Variants in CCDC180 observed in about 807,000 individuals in gnomAD.
CCDC180 encodes the protein coiled-coil domain containing 180.
CCDC180 carries 154 observed loss-of-function variants against 209.2 expected under a neutral mutation model. The ratio of observed to expected loss-of-function variants is 0.74; its 90% CI spans 0.65 to 0.84. The LOEUF is 0.84. Among genes scored for constraint, CCDC180 ranks in the 40% least tolerant of loss-of-function variants. The pLI, the probability that CCDC180 is intolerant of heterozygous loss-of-function variation, is 0.00. For missense variants in CCDC180, 1,874 were observed against 1,997.3 expected (o/e 0.94, Z 1.18); for synonymous variants, 778 against 749.1 (o/e 1.04, Z -0.63).
At chr9:97,318,412 C>T (rs1833249149) in intron 9 of CCDC180, 51 bp from the exon 10 acceptor site, 1 of 1,603,508 alleles carries the variant, frequency 6.2e-7, no homozygotes, top group Non-Finnish European at 8.5e-7. Context: ...TCTCTCACTC[C>T]TGCCCTGCTC....
intron 14 of CCDC180, 95 bp downstream of exon 14, chr9:97,325,287 A>C (rs1833496077): frequency 1.5e-6 from 2 of 1,310,520 alleles, no homozygotes; most frequent in South Asian, 1.5e-5. Flanking sequence ...AAGCTATGAA[A>C]TTTGTGCAGA....
intron 28 of CCDC180, 40 bp downstream of exon 28, chr9:97,362,481 A>G: frequency 1.9e-6 from 3 of 1,595,008 alleles, no homozygotes; most frequent in Non-Finnish European, 2.6e-6. Flanking sequence ...TTCCCAGTCC[A>G]TCCCCCCACA....
At chr9:97,318,227 C>T (rs571441146) in intron 9 of CCDC180, among the ~76,000 whole-genome samples, 10 of 152,300 alleles carry the variant, frequency 6.6e-5, no homozygotes, top group Admixed American at 5.2e-4. Context: ...ATTGACCTGA[C>T]GATCCCTCCA....
In CCDC180 at chr9:97,354,606, A is replaced by G; in HGVS notation, c.3040A>G (p.Ile1014Val). The change falls in exon 23 of 37, where the codon ATC becomes GTC. Residue 1014 changes from isoleucine (I) to valine (V), a missense_variant. Coordinates refer to ENST00000529487, the MANE Select transcript of CCDC180 (RefSeq NM_020893.6). ...GGGAGGCAACTTTTCTCCTAAAGAA[A>G]TCAATTCACTGTGTTCCCGACTGGA... ...SEGGNFSPKEINSLCSRLEKE... is the reference protein window; with the variant it reads ...SEGGNFSPKEVNSLCSRLEKE... The G allele has an allele frequency of 6.2e-7, 1 of 1,614,232 alleles. No homozygotes were observed. Among genetic ancestry groups the G allele is most frequent in the Non-Finnish European group, 8.5e-7 (1 of 1,180,040 alleles).
At chr9:97,354,793 C>T in intron 23 of CCDC180, 80 bp downstream of exon 23, 4 of 1,591,958 alleles carry the variant, frequency 2.5e-6, no homozygotes, top group Admixed American at 3.4e-5. Flanking sequence ...AGGGCCAAGC[C>T]CTCCATCCAA....
Position 97,362,317 on chromosome 9 carries a change from T to C in CCDC180, c.3778T>C (p.Ser1260Pro), listed in dbSNP as rs1168980421. Residue 1260 changes from serine (S) to proline (P), a missense_variant, in exon 28 of 37, where the codon TCA becomes CCA. By Grantham distance (74) the Ser-to-Pro change is moderately conservative (BLOSUM62 -1). Coordinates refer to ENST00000529487, the MANE Select transcript of CCDC180 (RefSeq NM_020893.6). ...SEAGAGGAVC[S>P]PPVLCSCPGP... is the part of the protein sequence containing the mutation. ...GGCAGGGGCTGGTGGTGCTGTGTGCTCACCTCCTGTCCTCTGCTCCTGTCC... is the reference window on the plus strand; with the variant it reads ...GGCAGGGGCTGGTGGTGCTGTGTGCCCACCTCCTGTCCTCTGCTCCTGTCC... The C allele has an allele frequency of 3.7e-6, 6 of 1,613,964 alleles. No homozygotes were observed. Among genetic ancestry groups the C allele is most frequent in the Non-Finnish European group, 5.1e-6 (6 of 1,180,022 alleles).
At chr9:97,307,603 G>T, upstream of CCDC180, 1 of 790,336 alleles carries the variant, frequency 1.3e-6, no homozygotes, top group Admixed American at 2.0e-5. Flanking sequence ...GGGTGGATTA[G>T]GGTCCCGGAT....
intron 34 of CCDC180, 183 bp downstream of exon 34, chr9:97,371,889 C>A (rs573445276): frequency 2.3e-6 from 1 of 440,688 alleles, no homozygotes; most frequent in East Asian, 3.1e-5. Flanking sequence ...GATGGCTCAA[C>A]GTTTATATAT....
chr9:97,325,142 C>T lies in CCDC180; in HGVS notation c.1495C>T (p.Leu499=). The T allele has an allele frequency of 6.2e-7, 1 of 1,611,802 alleles. No homozygotes were observed. Residue 499 remains leucine, a synonymous_variant, in exon 14 of 37, where the codon CTG becomes TTG. Coordinates refer to ENST00000529487, the MANE Select transcript of CCDC180 (RefSeq NM_020893.6). ...QSELLVQELE[L]EKRMEQHRQK... is the part of the protein sequence containing the mutation. Reference sequence around the variant, plus strand: ...CGAGCTGTTGGTGCAGGAGCTGGAGCTGGAGAAGAGGATGGAGCAGCACCG... The same window carrying T: ...CGAGCTGTTGGTGCAGGAGCTGGAGTTGGAGAAGAGGATGGAGCAGCACCG...
intron 36 of CCDC180, chr9:97,376,179 T>G (rs1827254716): frequency 6.4e-6 from 1 of 156,740 alleles, no homozygotes; most frequent in Non-Finnish European, 1.4e-5. Context: ...GACAGCCTGA[T>G]GAGGAGGCTA....
chr9:97,357,501 A>G (rs1343181703), intron 24 of CCDC180, 126 bp from the exon 25 acceptor site: 3 of 708,732 alleles, frequency 4.2e-6, no homozygotes, highest in South Asian at 1.8e-5. Flanking sequence ...GTAAAACTGC[A>G]TATTTTTCCC....
intron 9 of CCDC180, among the ~76,000 whole-genome samples, chr9:97,317,901 G>A (rs1457028295): frequency 2.0e-5 from 3 of 152,190 alleles, no homozygotes; most frequent in Non-Finnish European, 4.4e-5. Context: ...ATACTGCATG[G>A]AAAGTGCCTA....
At chr9:97,361,042 C>A (rs528926596) in intron 26 of CCDC180, among the ~76,000 whole-genome samples, 1 of 152,328 alleles carries the variant, frequency 6.6e-6, no homozygotes, top group African/African-American at 2.4e-5. Flanking sequence ...TAGCATGGGG[C>A]TCCAAGGGTC....
At chr9:97,344,104 C>A (rs1403635941) in intron 19 of CCDC180, among the ~76,000 whole-genome samples, 1 of 152,136 alleles carries the variant, frequency 6.6e-6, no homozygotes, top group East Asian at 1.9e-4. Context: ...AGAAATGACC[C>A]ATAATCCCAC....
Position 97,320,137 on chromosome 9 carries a change from C to A in CCDC180, c.1091C>A (p.Pro364His), listed in dbSNP as rs772904361. The change falls in exon 11 of 37, where the codon CCC becomes CAC. Residue 364 changes from proline (P) to histidine (H), a missense_variant. By Grantham distance (77) the Pro-to-His change is moderately conservative (BLOSUM62 -2). Transcript: ENST00000529487. ...KHLCTICDLL[P>H]PSYSKTQLTE... ...ATCTTCCTTCCCAGTGACCTCCTGC[C>A]CCCCAGTTACAGCAAAACTCAGCTG... 1.2e-6 allele frequency: 2 copies of A among 1,614,024 alleles called. No individual in the cohort carries two copies. The highest frequency in any genetic ancestry group is 1.1e-5 in the South Asian group (1 of 91,064).
chr9:97,343,256 C>A (rs1225610678), intron 18 of CCDC180, 84 bp from the exon 19 acceptor site: 2 of 911,132 alleles, frequency 2.2e-6, no homozygotes, highest in Non-Finnish European at 3.4e-6. Context: ...TGGTTTACAA[C>A]CTCTGATATC....
At position 97,370,669 on chromosome 9, in the gene CCDC180, A is replaced by G. The variant is rs1469144753; in HGVS notation, c.4379A>G (p.Asn1460Ser). Residue 1460 changes from asparagine to serine, a missense_variant, in exon 33 of 37, where the codon AAT becomes AGT. By Grantham distance (46) the Asn-to-Ser change is conservative (BLOSUM62 1). Coordinates refer to ENST00000529487, the MANE Select transcript of CCDC180 (RefSeq NM_020893.6). ...AAAAATGCCCAGAAGCTCCATCTAA[A>G]TCTTGGACACCCCGTACATTTCCAA... ...KDKNAQKLHL[N>S]LGHPVHFQEM... is the part of the protein sequence containing the mutation. The G allele has an allele frequency of 6.2e-7, 1 of 1,613,906 alleles. No homozygotes were observed. Among genetic ancestry groups the G allele is most frequent in the Non-Finnish European group, 8.5e-7 (1 of 1,179,946 alleles).
rs1052606350 is a variant in CCDC180 at position 97,308,035 on chromosome 9, C to A, written c.-29C>A. The A allele has an allele frequency of 5.6e-6, 9 of 1,612,402 alleles. No homozygotes were observed. In the African/African-American group the frequency reaches 9.4e-5, roughly 17 times the overall value. ...GACGCGTTTCCTGGACGACGGCTTC[C>A]CGGCAGGGGCATCCAGCCAGCGGCC... On this transcript the variant is annotated 5_prime_UTR_variant, in exon 2 of 37. Transcript: ENST00000529487.
intron 31 of CCDC180, 68 bp from the exon 32 acceptor site, chr9:97,369,854 A>C: frequency 6.4e-7 from 1 of 1,563,584 alleles, no homozygotes. Context: ...CCTTTGTTGT[A>C]GAGATCGCCT....
Sources: gnomAD v4.1 joint callset for allele counts (sites outside exome capture counted in the v4.1 genomes callset) on GRCh38, gnomAD v4.1.1 for gene constraint, MANE v1.5 for transcripts, NCBI Gene and HGNC (gene_info 2026-07-23, HGNC 2026-07-21) for gene names.